The following INPP4B variants were observed in gnomAD, a reference collection of about 807,000 sequenced individuals.
INPP4B encodes the protein inositol polyphosphate 4-phosphatase type II.
In INPP4B, 55 loss-of-function variants were observed where a neutral mutation model predicts 122.5. The ratio of observed to expected loss-of-function variants is 0.45; its 90% confidence interval spans 0.36 to 0.56. INPP4B has a LOEUF of 0.56. Among genes scored for constraint, INPP4B ranks in the 20% least tolerant of loss-of-function variants. The pLI is 0.00. For missense variants in INPP4B, 1,000 were observed against 1,097.7 expected (o/e 0.91, Z 1.26); for synonymous variants, 403 against 388.7 (o/e 1.04, Z -0.43).
At chr4:142,506,307 C>A (rs532542882) in intron 2 of INPP4B, among the ~76,000 whole-genome samples, 1 of 152,262 alleles carries the variant, frequency 6.6e-6, no homozygotes, top group South Asian at 2.1e-4. Context: ...CAGACACTCC[C>A]ACCCAGACCT....
At position 142,261,494 on chromosome 4, in the gene INPP4B, A is replaced by T. The variant is rs140644725; in HGVS notation, c.616-930T>A. On this transcript the variant is annotated intron_variant, in intron 10 of 25. Transcript: ENST00000262992. ...TGCAAACAGAAGAAAGCAAACATAC[A>T]CACAAAAATTGCAGAAAGTTCTTTT... is the stretch of plus-strand genomic sequence containing the variant. Among the ~76,000 whole-genome samples the T allele has an allele frequency of 1.4e-3, 211 of 152,300 alleles. 1 individual carries two copies. Among genetic ancestry groups the T allele is most frequent in the Non-Finnish European group, 2.4e-3 (165 of 68,030 alleles).
intron 7 of INPP4B, among the ~76,000 whole-genome samples, chr4:142,338,973 G>T (rs1018823114): frequency 6.6e-5 from 10 of 152,068 alleles, no homozygotes; most frequent in Non-Finnish European, 1.2e-4. Flanking sequence ...AGAACGGAGG[G>T]TCCAGGAGGG....
intron 2 of INPP4B, among the ~76,000 whole-genome samples, chr4:142,649,176 A>G (rs953312501): frequency 1.3e-5 from 2 of 152,138 alleles, no homozygotes; most frequent in Admixed American, 6.5e-5. Context: ...TAGTACCAAC[A>G]TCAACAAAAA....
chr4:142,582,768 G>A (rs1464731832), intron 2 of INPP4B, among the ~76,000 whole-genome samples: 2 of 152,126 alleles, frequency 1.3e-5, no homozygotes, highest in African/African-American at 4.8e-5. Context: ...CACACTTGCT[G>A]ATCTGTGGCT....
chr4:142,123,289 C>T lies in INPP4B; in HGVS notation c.2017+3G>A. The T allele has an allele frequency of 8.8e-6, 14 of 1,590,188 alleles. No homozygotes were observed. Among genetic ancestry groups the T allele is most frequent in the Non-Finnish European group, 1.2e-5 (14 of 1,168,322 alleles). On this transcript the variant is annotated splice_donor_region_variant and intron_variant, in intron 20 of 25. Coordinates refer to ENST00000262992, the MANE Select transcript of INPP4B (RefSeq NM_001101669.3). ...TTTTAACTTGTACTAAAGCAATACT[C>T]ACTGTATGTACTTAGCAGTCCTTCA...
At chr4:142,753,504 A>T (rs546120852) in intron 1 of INPP4B, among the ~76,000 whole-genome samples, 1 of 152,194 alleles carries the variant, frequency 6.6e-6, no homozygotes, top group East Asian at 1.9e-4. Context: ...AGGTCAGCCC[A>T]GGAGAATCTC....
At chr4:142,766,052 G>C (rs754501001) in intron 1 of INPP4B, 1 of 151,914 alleles carries the variant, frequency 6.6e-6, no homozygotes, top group Non-Finnish European at 1.5e-5. Context: ...GAACAGTCCA[G>C]AGCAGTGAAA....
intron 2 of INPP4B, among the ~76,000 whole-genome samples, chr4:142,492,946 G>C (rs1822066557): frequency 6.6e-6 from 1 of 152,168 alleles, no homozygotes; most frequent in African/African-American, 2.4e-5. Context: ...AGGGAAAAAT[G>C]GTTTCTTGGG....
intron 1 of INPP4B, among the ~76,000 whole-genome samples, chr4:142,838,160 G>A (rs375919776): frequency 6.6e-6 from 1 of 151,530 alleles, no homozygotes; most frequent in Admixed American, 6.6e-5. Context: ...ACAAAAAGCA[G>A]GCATTCATTT....
chr4:142,830,627 C>T (rs1782000464), intron 1 of INPP4B, among the ~76,000 whole-genome samples: 1 of 151,860 alleles, frequency 6.6e-6, no homozygotes, highest in Non-Finnish European at 1.5e-5. Flanking sequence ...GAATAATGGC[C>T]ACATAGAGAT....
chr4:142,187,369 T>C (rs34174333), intron 15 of INPP4B, among the ~76,000 whole-genome samples: 1,867 of 152,042 alleles, frequency 0.012, 45 homozygotes, highest in African/African-American at 0.043. Flanking sequence ...TGAAAATGAA[T>C]AGGAGATAAA....
chr4:142,559,804 TAAG>T (rs1211433023), intron 2 of INPP4B, among the ~76,000 whole-genome samples: 2 of 152,194 alleles, frequency 1.3e-5, no homozygotes, highest in East Asian at 1.9e-4. Flanking sequence ...CTAAAAATAA[TAAG>T]AAGAGAAAGC....
chr4:142,384,060 C>G, intron 7 of INPP4B: 1 of 701,766 alleles, frequency 1.4e-6, no homozygotes. Context: ...CTCAAGTTGT[C>G]TCAGCTCTGA....
intron 2 of INPP4B, among the ~76,000 whole-genome samples, chr4:142,480,596 A>C (rs1488013664): frequency 6.6e-6 from 1 of 152,208 alleles, no homozygotes; most frequent in South Asian, 2.1e-4. Flanking sequence ...GTAGTCCACT[A>C]TAGTTAAATT....
At chr4:142,355,704 T>C (rs1342714863) in intron 7 of INPP4B, among the ~76,000 whole-genome samples, 2 of 151,996 alleles carry the variant, frequency 1.3e-5, no homozygotes, top group Non-Finnish European at 2.9e-5. Flanking sequence ...ACACAAAGGA[T>C]ATTCAAAATT....
chr4:142,401,854 T>C (rs13140802), intron 7 of INPP4B, among the ~76,000 whole-genome samples: 43,728 of 152,124 alleles, frequency 0.29, 7,729 homozygotes, highest in South Asian at 0.46. Flanking sequence ...ATGCTGTGCA[T>C]TTACTTGAGT....
At chr4:142,713,894 GA>G (rs753756527) in intron 2 of INPP4B, among the ~76,000 whole-genome samples, 15 of 152,104 alleles carry the variant, frequency 9.9e-5, no homozygotes, top group Non-Finnish European at 2.1e-4. Context: ...GCCCACTTAG[GA>G]AACCATGTTT....
intron 2 of INPP4B, among the ~76,000 whole-genome samples, chr4:142,566,638 C>T (rs17729545): frequency 0.029 from 4,435 of 152,236 alleles, 93 homozygotes; most frequent in Non-Finnish European, 0.045. Flanking sequence ...TTTGATGTGA[C>T]ACTTGGTTTA....
chr4:142,208,211 T>A (rs1406794890), intron 14 of INPP4B, among the ~76,000 whole-genome samples: 2 of 152,114 alleles, frequency 1.3e-5, no homozygotes, highest in African/African-American at 2.4e-5. Flanking sequence ...TCTACCTCAA[T>A]CCAGGTGAAA....
Sources: gnomAD v4.1 joint callset for allele counts (sites outside exome capture counted in the v4.1 genomes callset) on GRCh38, gnomAD v4.1.1 for gene constraint, MANE v1.5 for transcripts, NCBI Gene and HGNC (gene_info 2026-07-23, HGNC 2026-07-21) for gene names.